The following RBFOX1 variants were observed in gnomAD, a reference collection of about 807,000 sequenced individuals.
RBFOX1 encodes RNA binding protein fox-1 homolog 1.
A neutral mutation model predicts 57.7 loss-of-function variants in RBFOX1; 8 were observed. The ratio of observed to expected loss-of-function variants is 0.14; its 90% CI spans 0.08 to 0.25. RBFOX1 has a LOEUF of 0.25. RBFOX1 is among the 10% of genes least tolerant of loss of function. The pLI is 1.00. For missense variants in RBFOX1, 611 were observed against 548.5 expected (o/e 1.11, Z -1.14); for synonymous variants, 326 against 222.4 (o/e 1.47, Z -4.15).
chr16:6,591,588 C>T (rs1031433705), intron 2 of RBFOX1, among the ~76,000 whole-genome samples: 1 of 152,174 alleles, frequency 6.6e-6, no homozygotes, highest in Non-Finnish European at 1.5e-5. Flanking sequence ...CTGGGAGTGA[C>T]CCAGTCATTT....
At chr16:6,150,506 G>T (rs748871273) in intron 1 of RBFOX1, among the ~76,000 whole-genome samples, 1 of 152,120 alleles carries the variant, frequency 6.6e-6, no homozygotes, top group South Asian at 2.1e-4. Context: ...ATGTTGACCA[G>T]CTCTGTTCTC....
chr16:5,366,109 C>A, intron 1 of RBFOX1: 1 of 463,050 alleles, frequency 2.2e-6, no homozygotes, highest in South Asian at 1.7e-5. Context: ...AAGTGTGGTT[C>A]AGGGCGAGTG....
intron 1 of RBFOX1, among the ~76,000 whole-genome samples, chr16:5,378,597 G>A (rs767490173): frequency 1.3e-5 from 2 of 151,556 alleles, no homozygotes; most frequent in African/African-American, 4.9e-5. Context: ...TTCCTGGGAC[G>A]TGGTACTTTC....
At chr16:6,859,119 A>ATATATATATATG (rs2058442693) in intron 3 of RBFOX1, among the ~76,000 whole-genome samples, 7 of 82,178 alleles carry the variant, frequency 8.5e-5, no homozygotes, top group Non-Finnish European at 1.2e-4. Flanking sequence ...GTGTATATAT[A>ATATATATATATG]TATATATATA....
intron 1 of RBFOX1, among the ~76,000 whole-genome samples, chr16:6,174,584 G>A (rs530955900): frequency 6.6e-6 from 1 of 152,070 alleles, no homozygotes; most frequent in African/African-American, 2.4e-5. Flanking sequence ...GACAGAGTGA[G>A]AGCCTATCTC....
intron 1 of RBFOX1, among the ~76,000 whole-genome samples, chr16:6,110,195 CT>C (rs3049169): frequency 6.9e-4 from 89 of 128,224 alleles, no homozygotes; most frequent in East Asian, 2.4e-3. Context: ...TTTTCTTCTT[CT>C]TTTTTTTTTT....
At chr16:6,747,482 A>G (rs376352593) in intron 3 of RBFOX1, among the ~76,000 whole-genome samples, 52 of 125,844 alleles carry the variant, frequency 4.1e-4, no homozygotes, top group African/African-American at 1.2e-3. Flanking sequence ...CTGTTTATCT[A>G]TCTGTCTATC....
intron 2 of RBFOX1, among the ~76,000 whole-genome samples, chr16:6,503,231 A>G (rs1262314290): frequency 1.3e-5 from 2 of 152,152 alleles, no homozygotes; most frequent in Admixed American, 6.5e-5. Context: ...TAACGTTAAA[A>G]TAAATCTTAA....
chr16:5,577,740 G>A (rs556434320), intron 2 of RBFOX1, among the ~76,000 whole-genome samples: 5 of 152,238 alleles, frequency 3.3e-5, no homozygotes, highest in South Asian at 2.1e-4. Context: ...GATCAAACAC[G>A]TTAATATTCC....
chr16:6,732,272 T>C (rs1403137757), intron 3 of RBFOX1, among the ~76,000 whole-genome samples: 1 of 152,212 alleles, frequency 6.6e-6, no homozygotes, highest in Non-Finnish European at 1.5e-5. Context: ...TGGCCAAGAA[T>C]CCACAGTGAA....
At chr16:6,637,397 T>TATATTATATAATATA (rs373918014) in intron 2 of RBFOX1, among the ~76,000 whole-genome samples, 4 of 6,830 alleles carry the variant, frequency 5.9e-4, no homozygotes, top group East Asian at 0.02. Flanking sequence ...ATATTATATA[T>TATATTATATAATATA]TAAATATATA....
rs192654527 is a variant in RBFOX1 at position 7,071,424 on chromosome 16, G to A, written c.27+19326G>A. On this transcript the variant is annotated intron_variant, in intron 4 of 15. Coordinates refer to ENST00000550418, the MANE Select transcript of RBFOX1 (RefSeq NM_018723.4). ...TACCCCTCCTAGCCTCCTAGCTGCA[G>A]GAAGTGTGGCAGATCATTTAAAGGA... Among the ~76,000 whole-genome samples the A allele has an allele frequency of 3.3e-5, 5 of 152,182 alleles. No homozygotes were observed. In the South Asian group the frequency reaches 6.2e-4, roughly 19 times the overall value.
chr16:7,212,206 G>C (rs2091275807), intron 4 of RBFOX1, among the ~76,000 whole-genome samples: 1 of 152,266 alleles, frequency 6.6e-6, no homozygotes. Flanking sequence ...AGGTCTTTTA[G>C]GGTCAAGGGA....
At chr16:6,017,415 G>T (rs996127736), upstream of RBFOX1, among the ~76,000 whole-genome samples, 2 of 151,968 alleles carry the variant, frequency 1.3e-5, no homozygotes, top group Non-Finnish European at 2.9e-5. Context: ...TAAATTCGGC[G>T]GTTTTCCCAT....
At chr16:5,868,602 T>C (rs922656927) in intron 4 of RBFOX1, among the ~76,000 whole-genome samples, 3 of 152,174 alleles carry the variant, frequency 2.0e-5, no homozygotes, top group African/African-American at 7.2e-5. Context: ...ATACAGTAAC[T>C]TGGTGTGCAA....
intron 4 of RBFOX1, among the ~76,000 whole-genome samples, chr16:7,252,170 C>G (rs773378339): frequency 6.6e-6 from 1 of 152,200 alleles, no homozygotes; most frequent in Non-Finnish European, 1.5e-5. Flanking sequence ...CTATTTCTTA[C>G]ATCATCAAAA....
At chr16:5,648,400 C>T (rs1335821771) in intron 3 of RBFOX1, among the ~76,000 whole-genome samples, 1 of 152,214 alleles carries the variant, frequency 6.6e-6, no homozygotes, top group Non-Finnish European at 1.5e-5. Context: ...GTGGTGCACT[C>T]TGCCAGAAGA....
At chr16:6,932,544 T>C (rs1046622974) in intron 3 of RBFOX1, among the ~76,000 whole-genome samples, 1 of 152,286 alleles carries the variant, frequency 6.6e-6, no homozygotes, top group East Asian at 1.9e-4. Context: ...GTGTCTCACC[T>C]ATATGGTAGG....
At chr16:7,283,908 G>C (rs889800024) in intron 4 of RBFOX1, among the ~76,000 whole-genome samples, 1 of 152,188 alleles carries the variant, frequency 6.6e-6, no homozygotes, top group Non-Finnish European at 1.5e-5. Context: ...GAGCATATTC[G>C]TCATTCCAAA....
Sources: allele counts gnomAD v4.1 joint callset (sites outside exome capture counted in the v4.1 genomes callset), GRCh38; gene constraint gnomAD v4.1.1; transcripts MANE v1.5; gene names NCBI Gene and HGNC (gene_info 2026-07-23, HGNC 2026-07-21).